Variants in PDE11A observed in about 807,000 individuals in gnomAD.
The protein encoded by PDE11A is dual 3',5'-cyclic-AMP and -GMP phosphodiesterase 11A.
In PDE11A, 100 loss-of-function variants were observed where a neutral mutation model predicts 100.5. That is an observed-to-expected ratio of 1.00 (90% CI 0.85 to 1.18). PDE11A has a LOEUF of 1.18. PDE11A is among the 50% of genes most tolerant of loss of function. The pLI, the probability that PDE11A is intolerant of heterozygous loss-of-function variation, is 0.00. For synonymous variants in PDE11A, 381 were observed against 420.8 expected, an observed-to-expected ratio of 0.91 and a Z score of 1.16; for missense variants, 1,141 against 1,152.6, an observed-to-expected ratio of 0.99 and a Z score of 0.15.
chr2:177,698,305 T>C (rs888270580), intron 14 of PDE11A: 3 of 152,200 alleles, frequency 2.0e-5, no homozygotes, highest in African/African-American at 7.2e-5. Context: ...CTTGTTTTCA[T>C]CAAAATTTGT....
chr2:177,645,870 C>A (rs1232281638), intron 19 of PDE11A, among the ~76,000 whole-genome samples: 1 of 152,136 alleles, frequency 6.6e-6, no homozygotes, highest in Non-Finnish European at 1.5e-5. Flanking sequence ...AGGAAGAGAC[C>A]ATTTTTTCCC....
chr2:178,024,370 C>G (rs1192232757), intron 1 of PDE11A, among the ~76,000 whole-genome samples: 1 of 152,018 alleles, frequency 6.6e-6, no homozygotes, highest in Non-Finnish European at 1.5e-5. Context: ...TGAGATTGTG[C>G]CACTACTCTC....
At chr2:177,993,692 C>A (rs2086032431) in intron 2 of PDE11A, among the ~76,000 whole-genome samples, 1 of 152,106 alleles carries the variant, frequency 6.6e-6, no homozygotes, top group Non-Finnish European at 1.5e-5. Context: ...GAGCTCCCCT[C>A]TTCCTAAGTA....
chr2:178,099,080 A>G (rs1332558806), intron 2 of PDE11A, among the ~76,000 whole-genome samples: 1 of 152,248 alleles, frequency 6.6e-6, no homozygotes, highest in Admixed American at 6.5e-5. Context: ...TCAATGCACT[A>G]TAAAGACATT....
rs138292216 is a variant in PDE11A, at chr2:177,692,801, G to T, written c.2345+4531C>A. 4.5e-3 allele frequency among the ~76,000 whole-genome samples: 680 copies of T among 152,290 alleles called. 2 individuals carry two copies. Among genetic ancestry groups the T allele is most frequent in the Non-Finnish European group, 5.4e-3 (368 of 68,018 alleles). On this transcript the variant is annotated intron_variant, in intron 15 of 19. Coordinates refer to ENST00000286063, the MANE Select transcript of PDE11A (RefSeq NM_016953.4). ...CATTTGAATGACATAGAATCCCAAG[G>T]ACACACAAGGTCTTTAGAAATTAAA...
intron 6 of PDE11A, among the ~76,000 whole-genome samples, chr2:177,832,554 C>CATCCATCT (rs1553480017): frequency 2.7e-5 from 4 of 146,290 alleles, no homozygotes; most frequent in South Asian, 4.6e-4. Flanking sequence ...TACTCACATC[C>CATCCATCT]ATCTATCTAT....
chr2:178,102,163 G>A (rs2105889217), intron 2 of PDE11A, among the ~76,000 whole-genome samples: 1 of 150,950 alleles, frequency 6.6e-6, no homozygotes, highest in East Asian at 1.9e-4. Context: ...GTCTTGCTCT[G>A]TTGCCCCAGC....
At chr2:178,006,131 T>C (rs947840311) in intron 2 of PDE11A, among the ~76,000 whole-genome samples, 1 of 152,240 alleles carries the variant, frequency 6.6e-6, no homozygotes, top group Non-Finnish European at 1.5e-5. Flanking sequence ...GTGTTACTGA[T>C]TTCCTTAAAT....
chr2:177,675,812 C>G (rs2080764745), intron 16 of PDE11A: 5 of 513,090 alleles, frequency 9.7e-6, no homozygotes, highest in Non-Finnish European at 1.8e-5. Flanking sequence ...GCTAAGCAAG[C>G]TCTGCTTAAA....
chr2:178,016,966 A>C (rs954049925), intron 1 of PDE11A, among the ~76,000 whole-genome samples: 1 of 152,236 alleles, frequency 6.6e-6, no homozygotes, highest in Non-Finnish European at 1.5e-5. Context: ...AGCATTGGCC[A>C]CTATTTAGCA....
At chr2:178,102,614 A>T (rs1042717234) in intron 2 of PDE11A, among the ~76,000 whole-genome samples, 1 of 151,390 alleles carries the variant, frequency 6.6e-6, no homozygotes, top group East Asian at 2.0e-4. Flanking sequence ...GTCTTACTAC[A>T]TTGCCCAGGC....
At chr2:178,010,095 C>A (rs553292153) in intron 2 of PDE11A, among the ~76,000 whole-genome samples, 2 of 152,272 alleles carry the variant, frequency 1.3e-5, no homozygotes, top group East Asian at 3.9e-4. Flanking sequence ...CACTTTACAT[C>A]TATTATCTAT....
chr2:177,631,537 A>ACATACACACATG (rs1559117309), intron 19 of PDE11A, among the ~76,000 whole-genome samples: 1 of 27,660 alleles, frequency 3.6e-5, no homozygotes, highest in Non-Finnish European at 6.5e-5. Context: ...ATATATATAT[A>ACATACACACATG]TATATATATA....
chr2:177,923,210 T>A (rs974942056), intron 2 of PDE11A, among the ~76,000 whole-genome samples: 59 of 151,990 alleles, frequency 3.9e-4, no homozygotes, highest in African/African-American at 1.3e-3. Flanking sequence ...AGGGTCTTGC[T>A]CTGCTGCCAA....
chr2:178,049,891 G>T (rs1412757223), intron 1 of PDE11A, among the ~76,000 whole-genome samples: 1 of 152,174 alleles, frequency 6.6e-6, no homozygotes, highest in South Asian at 2.1e-4. Context: ...GCTCAAGGAA[G>T]CCTGCCTGCC....
intron 2 of PDE11A, among the ~76,000 whole-genome samples, chr2:178,094,397 T>C (rs2087462300): frequency 1.3e-5 from 2 of 151,806 alleles, no homozygotes; most frequent in South Asian, 4.2e-4. Flanking sequence ...CCGGGCATGG[T>C]GGTGCACTTC....
At chr2:177,899,911 TAA>T (rs2084671436) in intron 3 of PDE11A, among the ~76,000 whole-genome samples, 1 of 151,516 alleles carries the variant, frequency 6.6e-6, no homozygotes, top group South Asian at 2.1e-4. Context: ...AATTTTTTTT[TAA>T]AACAGCAGAA....
chr2:178,069,156 A>T (rs1011406181), intron 1 of PDE11A, among the ~76,000 whole-genome samples: 2 of 152,194 alleles, frequency 1.3e-5, no homozygotes, highest in African/African-American at 4.8e-5. Context: ...ATTGCAATGT[A>T]CCAGATATTA....
intron 16 of PDE11A, chr2:177,677,775 A>T (rs1319604061): frequency 6.6e-6 from 1 of 152,228 alleles, no homozygotes; most frequent in Non-Finnish European, 1.5e-5. Context: ...CTCTTCAAGA[A>T]GTGAAAGATC....
Sources: gnomAD v4.1 joint callset for allele counts (sites outside exome capture counted in the v4.1 genomes callset) on GRCh38, gnomAD v4.1.1 for gene constraint, MANE v1.5 for transcripts, NCBI Gene and HGNC (gene_info 2026-07-23, HGNC 2026-07-21) for gene names.